The following ALPI variants were observed in gnomAD, a reference collection of about 807,000 sequenced individuals.
ALPI encodes the protein intestinal-type alkaline phosphatase.
A neutral mutation model predicts 51.5 loss-of-function variants in ALPI; 50 were observed. That is an observed-to-expected ratio of 0.97 (90% CI 0.77 to 1.23). The LOEUF (loss-of-function observed/expected upper bound fraction) is 1.23, where lower values mean the gene tolerates loss of function less well. ALPI is among the 50% of genes most tolerant of loss of function. The pLI, the probability that ALPI is intolerant of heterozygous loss-of-function variation, is 0.00. For missense variants in ALPI, 692 were observed against 722.4 expected (o/e 0.96, Z 0.48); for synonymous variants, 322 against 308.2 (o/e 1.04, Z -0.47).
chr2:232,458,608 A>G (rs774097681), intron 9 of ALPI, 24 bp from the exon 10 acceptor site: 1 of 1,608,066 alleles, frequency 6.2e-7, no homozygotes, highest in Admixed American at 1.7e-5. Context: ...CAGCTCAACT[A>G]CAGGGACCCG....
In ALPI at chr2:232,458,255, T is replaced by A; in HGVS notation, c.1030T>A (p.Tyr344Asn). The A allele has an allele frequency of 2.5e-6, 4 of 1,614,150 alleles. No individual in the cohort carries two copies. The highest frequency in any genetic ancestry group is 3.4e-6 in the Non-Finnish European group (4 of 1,180,024). The change falls in exon 9 of 11, where the codon TAC becomes AAC. Residue 344 changes from tyrosine (Y) to asparagine (N), a missense_variant. By Grantham distance (143) the Tyr-to-Asn change is moderately radical. Transcript: ENST00000295463. Reference protein sequence around the residue: ...IDHGHHEGVAYQALTEAVMFD... With the variant: ...IDHGHHEGVANQALTEAVMFD... ...CCATGGTCATCATGAGGGTGTGGCT[T>A]ACCAGGCACTCACTGAGGCGGTCAT...
In ALPI at chr2:232,457,024, G is replaced by A. The variant is rs1481946367; in HGVS notation, c.426G>A (p.Thr142=). Residue 142 remains threonine, a synonymous_variant, in exon 4 of 11, where the codon ACG becomes ACA. Coordinates refer to ENST00000295463, the MANE Select transcript of ALPI (RefSeq NM_001631.5). This position sits in a 1 kb window ranked among gnomAD's most constrained non-coding sequence, Gnocchi z 4.7. ...CCGCCCGCTTTAACCAGTGCAACAC[G>A]ACACGCGGCAATGAGGTCATCTCCG... ...SAAARFNQCN[T]TRGNEVISVM... is the part of the protein sequence containing the mutation. The A allele has an allele frequency of 1.4e-5, 22 of 1,613,620 alleles. No homozygotes were observed. The highest frequency in any genetic ancestry group is 1.7e-5 in the Non-Finnish European group (20 of 1,180,020).
rs1212002097 is a variant in ALPI at position 232,459,205 on chromosome 2, T to C, written c.*59T>C. ...TCCGGGCGTCCTGCCCTGTTCCCCG[T>C]CCTGAGCCGCCACTTCCAGCGAACA... On this transcript the variant is annotated 3_prime_UTR_variant, in exon 11 of 11. Transcript: ENST00000295463. 1.3e-6 allele frequency: 2 copies of C among 1,483,206 alleles called. No homozygotes were observed. The highest frequency in any genetic ancestry group is 2.8e-5 in the African/African-American group (2 of 71,774). 91.9% of individuals were successfully genotyped at this position (1,483,206 alleles called of 1,614,324 possible).
chr2:232,458,110 C>T lies in ALPI; in HGVS notation c.969C>T (p.Arg323=), dbSNP rs745765051. Residue 323 remains arginine (R), a synonymous_variant, in exon 8 of 11, where the codon CGC becomes CGT. Coordinates refer to ENST00000295463, the MANE Select transcript of ALPI (RefSeq NM_001631.5). ...AALRLLSRNP[R]GFYLFVEGGR... ...TGCGCCTGCTGAGCAGGAACCCCCG[C>T]GGCTTCTACCTCTTTGTGGAGGGTG... 1.4e-5 allele frequency: 22 copies of T among 1,613,930 alleles called. No individual in the cohort carries two copies. The highest frequency in any genetic ancestry group is 8.8e-5 in the South Asian group (8 of 91,088).
Position 232,457,998 on chromosome 2 carries a change from G to T in ALPI, c.857G>T (p.Gly286Val). Residue 286 changes from glycine to valine, a missense_variant and splice_region_variant, in exon 8 of 11, where the codon GGC becomes GTC. Transcript: ENST00000295463. The surrounding 1 kb of genome is among the most constrained non-coding windows in gnomAD (Gnocchi z 4.7). The part of the protein sequence containing the change: ...SLDQSVTHLM[G>V]LFEPGDTKYE... ...CACCACCAAGCTCCTTGTCCCACAG[G>T]CCTCTTTGAGCCCGGAGACACGAAA... 1.2e-6 allele frequency: 2 copies of T among 1,613,496 alleles called. No homozygotes were observed. The highest frequency in any genetic ancestry group is 2.2e-5 in the South Asian group (2 of 91,032).
chr2:232,457,262 A>G lies in ALPI; in HGVS notation c.588A>G (p.Ser196=), dbSNP rs1281683552. The change falls in exon 5 of 11, where the codon TCA becomes TCG. Residue 196 remains serine (S), a synonymous_variant. Coordinates refer to ENST00000295463, the MANE Select transcript of ALPI (RefSeq NM_001631.5). This position sits in a 1 kb window ranked among gnomAD's most constrained non-coding sequence, Gnocchi z 4.7. ...NWYSDADMPA[S]ARQEGCQDIA... ...ACTCAGATGCTGACATGCCTGCCTC[A>G]GCCCGCCAGGAGGGGTGCCAGGACA... 6.2e-7 allele frequency: 1 copy of G among 1,613,432 alleles called. No homozygotes were observed. The highest frequency in any genetic ancestry group is 8.5e-7 in the Non-Finnish European group (1 of 1,180,012).
rs374217058 is a variant in ALPI at position 232,456,869 on chromosome 2, A to T, written c.301-30A>T. 5.0e-6 allele frequency: 8 copies of T among 1,611,794 alleles called. No individual in the cohort carries two copies. The highest frequency in any genetic ancestry group is 5.1e-6 in the Non-Finnish European group (6 of 1,179,072). On this transcript the variant is annotated intron_variant, in intron 3 of 10. Coordinates refer to ENST00000295463, the MANE Select transcript of ALPI (RefSeq NM_001631.5). This position sits in a 1 kb window ranked among gnomAD's most constrained non-coding sequence, Gnocchi z 4.2. ...GGTTGGGGTCTGGGTGTCCGCCCCGAAGTAGAGCTCAGGGTGTCTCCGTTC... is the reference window on the plus strand; with the variant it reads ...GGTTGGGGTCTGGGTGTCCGCCCCGTAGTAGAGCTCAGGGTGTCTCCGTTC...
At position 232,459,252 on chromosome 2, in the gene ALPI, G is replaced by A; in HGVS notation, c.*106G>A. 1 of 1,391,586 alleles carries A rather than the reference G, an allele frequency of 7.2e-7. No individual in the cohort carries two copies. Among genetic ancestry groups the A allele is most frequent in the Non-Finnish European group, 9.5e-7 (1 of 1,050,710 alleles). The allele number at this position is 1,391,586 out of a possible 1,614,324, so 86.2% of individuals were successfully genotyped here. On this transcript the variant is annotated 3_prime_UTR_variant, in exon 11 of 11. Transcript: ENST00000295463. The stretch of plus-strand genomic sequence containing the variant: ...AACACACACAGGTGTCCTGCCGTTG[G>A]ACCTTCACCTCCTAGAGATAAACCA...
rs886358622 is a variant in ALPI at position 232,457,175 on chromosome 2, C to T, written c.501C>T (p.Thr167=). 1.2e-6 allele frequency: 2 copies of T among 1,613,478 alleles called. No individual in the cohort carries two copies. The highest frequency in any genetic ancestry group is 1.7e-6 in the Non-Finnish European group (2 of 1,180,036). Residue 167 remains threonine, a synonymous_variant, in exon 5 of 11, where the codon ACC becomes ACT. Transcript: ENST00000295463. The surrounding 1 kb of genome is among the most constrained non-coding windows in gnomAD (Gnocchi z 4.7). The stretch of plus-strand genomic sequence containing the variant: ...GAAAGTCAGTAGGAGTGGTGACCAC[C>T]ACACGGGTGCAGCACGCCTCGCCAG... ...QAGKSVGVVT[T]TRVQHASPAG...
rs192675896 is a variant in ALPI at position 232,460,192 on chromosome 2, C to T, written c.*1046C>T. 5.5e-3 allele frequency among the ~76,000 whole-genome samples: 800 copies of T among 144,416 alleles called. 3 individuals carry two copies. The highest frequency in any genetic ancestry group is 0.03 in the South Asian group (127 of 4,240). 94.7% of individuals were successfully genotyped at this position (144,416 alleles called of 152,430 possible). ...GAGCAAGGCAGCACAGCAGTGCAAA[C>T]GCCCTGGGGCAGTGTCAGCAGGTGC... On this transcript the variant is annotated 3_prime_UTR_variant, in exon 11 of 11. Coordinates refer to ENST00000295463, the MANE Select transcript of ALPI (RefSeq NM_001631.5).
Position 232,460,636 on chromosome 2 carries a change from T to C in ALPI, c.*1490T>C, listed in dbSNP as rs1025426160. 3.9e-5 allele frequency among the ~76,000 whole-genome samples: 6 copies of C among 152,254 alleles called. No homozygotes were observed. Among genetic ancestry groups the C allele is most frequent in the African/African-American group, 9.6e-5 (4 of 41,474 alleles). ...AAATTTTGCAGTATTACAAATTTAT[T>C]TGTACATTTACAAAGGTGCAAAAAA... On this transcript the variant is annotated 3_prime_UTR_variant, in exon 11 of 11. Coordinates refer to ENST00000295463, the MANE Select transcript of ALPI (RefSeq NM_001631.5).
chr2:232,456,673 TCCCA>T lies in ALPI; in HGVS notation c.279_282del (p.Pro94ThrfsTer37). The T allele has an allele frequency of 6.2e-7, 1 of 1,608,374 alleles. No individual in the cohort carries two copies. Among genetic ancestry groups the T allele is most frequent in the Non-Finnish European group, 8.5e-7 (1 of 1,177,382 alleles). ...GAGACGCCCCTGGCCATGGACCGCT[TCCCA>T]TACCTGGCTCTGTCCAAGGTAAGGG... is the stretch of plus-strand genomic sequence containing the variant. On this transcript the variant is annotated frameshift_variant, in exon 3 of 11. Coordinates refer to ENST00000295463, the MANE Select transcript of ALPI (RefSeq NM_001631.5). LOFTEE classifies it high-confidence loss of function. This position sits in a 1 kb window ranked among gnomAD's most constrained non-coding sequence, Gnocchi z 4.2.
Position 232,459,097 on chromosome 2 carries a change from C to T in ALPI, c.1538C>T (p.Pro513Leu), listed in dbSNP as rs1409657036. 2 of 1,540,134 alleles carry T rather than the reference C, an allele frequency of 1.3e-6. No homozygotes were observed. Among genetic ancestry groups the T allele is most frequent in the Non-Finnish European group, 1.7e-6 (2 of 1,146,246 alleles). ...DAAHPVAASL[P>L]LLAGTLLLLG... is the part of the protein sequence containing the mutation. Reference sequence around the variant, plus strand: ...GCGCACCCAGTTGCCGCGTCGCTGCCACTGCTGGCCGGGACCCTGCTGCTG... The same window carrying T: ...GCGCACCCAGTTGCCGCGTCGCTGCTACTGCTGGCCGGGACCCTGCTGCTG... The change falls in exon 11 of 11, where the codon CCA becomes CTA. Residue 513 changes from proline (P) to leucine (L), a missense_variant. By Grantham distance (98) the Pro-to-Leu change is moderately conservative (BLOSUM62 -3). Coordinates refer to ENST00000295463, the MANE Select transcript of ALPI (RefSeq NM_001631.5).
chr2:232,458,696 G>A lies in ALPI; in HGVS notation c.1248G>A (p.Pro416=), dbSNP rs144515683. The A allele has an allele frequency of 2.1e-5, 34 of 1,613,874 alleles. No individual in the cohort carries two copies. The African/African-American group carries it at 3.7e-4, about 18-fold the overall frequency. Residue 416 remains proline, a synonymous_variant, in exon 10 of 11, where the codon CCG becomes CCA. Transcript: ENST00000295463. ...AYTSILYGNG[P]GYVFNSGVRP... Reference sequence around the variant, plus strand: ...CGTCCATCCTGTACGGCAATGGCCCGGGCTACGTGTTCAACTCAGGCGTGC... The same window carrying A: ...CGTCCATCCTGTACGGCAATGGCCCAGGCTACGTGTTCAACTCAGGCGTGC...
rs764486068 is a variant in ALPI, at chr2:232,458,261, G to A, written c.1036G>A (p.Ala346Thr). 40 of 1,614,044 alleles carry A rather than the reference G, an allele frequency of 2.5e-5. No individual in the cohort carries two copies. Among genetic ancestry groups the A allele is most frequent in the African/African-American group, 1.3e-4 (10 of 74,922 alleles). Residue 346 changes from alanine (A) to threonine (T), a missense_variant, in exon 9 of 11, where the codon GCA becomes ACA. By Grantham distance (58) the Ala-to-Thr change is moderately conservative. Transcript: ENST00000295463. ...HGHHEGVAYQ[A>T]LTEAVMFDDA... is the part of the protein sequence containing the mutation. ...TCATCATGAGGGTGTGGCTTACCAG[G>A]CACTCACTGAGGCGGTCATGTTCGA...
At position 232,457,889 on chromosome 2, in the gene ALPI, T is replaced by C. The variant is rs536231911; in HGVS notation, c.856+22T>C. 2 of 1,613,528 alleles carry C rather than the reference T, an allele frequency of 1.2e-6. No individual in the cohort carries two copies. Among genetic ancestry groups the C allele is most frequent in the African/African-American group, 1.3e-5 (1 of 74,996 alleles). ...ATGGGTAATGACCCCCTTCCTGCCCTGGCATTCCTCAGACAACCTCAGAGG... is the reference window on the plus strand; with the variant it reads ...ATGGGTAATGACCCCCTTCCTGCCCCGGCATTCCTCAGACAACCTCAGAGG... On this transcript the variant is annotated intron_variant, in intron 7 of 10. Coordinates refer to ENST00000295463, the MANE Select transcript of ALPI (RefSeq NM_001631.5). This position sits in a 1 kb window ranked among gnomAD's most constrained non-coding sequence, Gnocchi z 4.7.
Position 232,456,734 on chromosome 2 carries a change from A to G in ALPI, c.300+39A>G. On this transcript the variant is annotated intron_variant, in intron 3 of 10. Transcript: ENST00000295463. This position sits in a 1 kb window ranked among gnomAD's most constrained non-coding sequence, Gnocchi z 4.2. ...CACCTCAGAGTCCTCCAAGCAGAGG[A>G]GAGGGATCAAGGATATGGAGTGTGG... 6.4e-7 allele frequency: 1 copy of G among 1,562,254 alleles called. No individual in the cohort carries two copies. Among genetic ancestry groups the G allele is most frequent in the Non-Finnish European group, 8.7e-7 (1 of 1,153,498 alleles).
At position 232,458,912 on chromosome 2, in the gene ALPI, C is replaced by A. The variant is rs1016948809; in HGVS notation, c.1353C>A (p.His451Gln). 22 of 1,610,294 alleles carry A rather than the reference C, an allele frequency of 1.4e-5. No homozygotes were observed. Among genetic ancestry groups the A allele is most frequent in the Non-Finnish European group, 1.6e-5 (19 of 1,179,076 alleles). ...CGGTGCCCCTGTCGTCCGAGACCCA[C>A]GGAGGCGAAGACGTGGCGGTGTTTG... ...QAAVPLSSET[H>Q]GGEDVAVFAR... is the part of the protein sequence containing the mutation. The change falls in exon 11 of 11, where the codon CAC becomes CAA. Residue 451 changes from histidine (H) to glutamine (Q), a missense_variant. Physicochemically the swap from His to Gln is conservative, Grantham distance 24. Transcript: ENST00000295463.
rs1306393754 is a variant in ALPI at position 232,458,903 on chromosome 2, C to T, written c.1344C>T (p.Ser448=). ...YQQQAAVPLS[S]ETHGGEDVAV... Reference sequence around the variant, plus strand: ...AGCAGGCGGCGGTGCCCCTGTCGTCCGAGACCCACGGAGGCGAAGACGTGG... The same window carrying T: ...AGCAGGCGGCGGTGCCCCTGTCGTCTGAGACCCACGGAGGCGAAGACGTGG... The change falls in exon 11 of 11, where the codon TCC becomes TCT. Residue 448 remains serine, a synonymous_variant. Coordinates refer to ENST00000295463, the MANE Select transcript of ALPI (RefSeq NM_001631.5). 12 of 1,610,394 alleles carry T rather than the reference C, an allele frequency of 7.5e-6. No individual in the cohort carries two copies. The highest frequency in any genetic ancestry group is 1.0e-5 in the Non-Finnish European group (12 of 1,179,160).
Sources: gnomAD v4.1 joint callset for allele counts (sites outside exome capture counted in the v4.1 genomes callset) on GRCh38, gnomAD v4.1.1 for gene constraint, Gnocchi (gnomAD v3.1) non-coding constraint, MANE v1.5 for transcripts, NCBI Gene and HGNC (gene_info 2026-07-23, HGNC 2026-07-21) for gene names.